The following DMBT1 variants were observed in gnomAD, a reference collection of about 807,000 sequenced individuals.
The protein encoded by DMBT1 is deleted in malignant brain tumors 1.
In DMBT1, 198 loss-of-function variants were observed where a neutral mutation model predicts 252.9. The ratio of observed to expected loss-of-function variants is 0.78; its 90% CI spans 0.70 to 0.88. DMBT1 has a LOEUF of 0.88. Among genes scored for constraint, DMBT1 ranks in the 40% least tolerant of loss-of-function variants. The probability of loss-of-function intolerance (pLI) is 0.00; values close to 1 mark genes in which losing one functional copy is unlikely to be tolerated. For missense variants in DMBT1, 2,432 were observed against 2,404.7 expected, an observed-to-expected ratio of 1.01 and a Z score of -0.24; for synonymous variants, 990 against 942.7, an observed-to-expected ratio of 1.05 and a Z score of -0.92.
intron 44 of DMBT1, among the ~76,000 whole-genome samples, chr10:122,623,279 C>T (rs557903453): frequency 1.4e-4 from 21 of 152,340 alleles, no homozygotes; most frequent in African/African-American, 2.9e-4. Flanking sequence ...TGTATGGCTA[C>T]GCCATCTTTG....
intron 21 of DMBT1, 21 bp downstream of exon 21, chr10:122,593,619 C>T: frequency 1.9e-6 from 3 of 1,584,546 alleles, no homozygotes; most frequent in South Asian, 1.1e-5. Context: ...AGTGTCCTTC[C>T]TCAAAATGTC....
At chr10:122,599,995 C>A in intron 26 of DMBT1, 69 bp from the exon 27 acceptor site, 1 of 1,582,920 alleles carries the variant, frequency 6.3e-7, no homozygotes. Flanking sequence ...CATTTCTTTC[C>A]CTCCTCGTTC....
chr10:122,586,260 G>A lies in DMBT1; in HGVS notation c.1660G>A (p.Gly554Arg). ...PGNARFGQGSGPIVLDDVRCS... is the reference protein window; with the variant it reads ...PGNARFGQGSRPIVLDDVRCS... ...AAATGCCCGGTTTGGTCAGGGCTCAGGACCCATTGTCCTGGATGACGTGCG... is the reference window on the plus strand; with the variant it reads ...AAATGCCCGGTTTGGTCAGGGCTCAAGACCCATTGTCCTGGATGACGTGCG... The change falls in exon 16 of 56, where the codon GGA becomes AGA. Residue 554 changes from glycine (G) to arginine (R), a missense_variant. Physicochemically the swap from Gly to Arg is moderately radical, Grantham distance 125. This residue lies in a region of DMBT1 where 1,264 missense variants were observed against 1,082.2 expected (regional missense o/e 1.17). Transcript: ENST00000338354. 1 of 1,588,868 alleles carries A rather than the reference G, an allele frequency of 6.3e-7. No homozygotes were observed. Among genetic ancestry groups the A allele is most frequent in the Non-Finnish European group, 8.6e-7 (1 of 1,165,936 alleles).
chr10:122,586,532 T>C (rs1175470023), intron 16 of DMBT1, 149 bp downstream of exon 16: 2 of 1,323,538 alleles, frequency 1.5e-6, no homozygotes, highest in African/African-American at 2.9e-5. Context: ...ACCGCATGAG[T>C]CTTCACCACA....
At chr10:122,578,260 G>A (rs1212825954) in intron 8 of DMBT1, among the ~76,000 whole-genome samples, 1 of 152,168 alleles carries the variant, frequency 6.6e-6, no homozygotes, top group African/African-American at 2.4e-5. Flanking sequence ...ATTCTGCAGG[G>A]CCACGTCTGC....
At chr10:122,578,641 G>C in intron 8 of DMBT1, 77 bp from the exon 9 acceptor site, 1 of 1,274,728 alleles carries the variant, frequency 7.8e-7, no homozygotes, top group Non-Finnish European at 1.1e-6. Flanking sequence ...GTGCTTGCCT[G>C]GTCCAGAGAA....
chr10:122,563,988 G>A (rs1189314795), intron 1 of DMBT1, among the ~76,000 whole-genome samples: 6 of 152,274 alleles, frequency 3.9e-5, no homozygotes, highest in Non-Finnish European at 7.4e-5. Context: ...GGGATGGCAT[G>A]TCAGAAAAGA....
At chr10:122,600,831 A>G (rs565406363) in intron 27 of DMBT1, among the ~76,000 whole-genome samples, 160 bp from the exon 28 acceptor site, 6 of 152,260 alleles carry the variant, frequency 3.9e-5, no homozygotes, top group South Asian at 2.1e-4. Flanking sequence ...TCCGTGGATG[A>G]GTTCACAGCA....
Position 122,640,377 on chromosome 10 carries a change from T to C in DMBT1, c.7280T>C (p.Phe2427Ser). Residue 2427 changes from phenylalanine (F) to serine (S), a missense_variant, in exon 55 of 56, where the codon TTT becomes TCT. By Grantham distance (155) the Phe-to-Ser change is radical (BLOSUM62 -2). Transcript: ENST00000338354. ...ILHSDAVLTL[F>S]VDTCVASPYS... ...CATTCTGATGCTGTACTGACCTTGT[T>C]TGTGGACACCTGCGTGGCATCACCA... 1 of 1,614,070 alleles carries C rather than the reference T, an allele frequency of 6.2e-7. No homozygotes were observed. Among genetic ancestry groups the C allele is most frequent in the Non-Finnish European group, 8.5e-7 (1 of 1,179,908 alleles).
At chr10:122,590,356 G>T (rs971982895) in intron 17 of DMBT1, among the ~76,000 whole-genome samples, 3 of 148,990 alleles carry the variant, frequency 2.0e-5, no homozygotes, top group African/African-American at 7.3e-5. Context: ...ATTTTTGCTG[G>T]AGTGGCCTCT....
At chr10:122,585,716 A>G (rs544182351) in intron 15 of DMBT1, among the ~76,000 whole-genome samples, 2 of 148,632 alleles carry the variant, frequency 1.3e-5, no homozygotes, top group African/African-American at 4.9e-5. Context: ...GAAGCCAGAC[A>G]GGACCATAGG....
At chr10:122,617,132 T>C in intron 39 of DMBT1, 96 bp from the exon 40 acceptor site, 1 of 1,362,018 alleles carries the variant, frequency 7.3e-7, no homozygotes, top group Non-Finnish European at 1.0e-6. Flanking sequence ...GAAGTGGAAT[T>C]GTTGCCAGGT....
intron 1 of DMBT1, among the ~76,000 whole-genome samples, chr10:122,564,227 C>G (rs2097571297): frequency 6.6e-6 from 1 of 152,136 alleles, no homozygotes; most frequent in Non-Finnish European, 1.5e-5. Context: ...TACGGCAAGT[C>G]CTGTCACTGG....
chr10:122,570,901 C>G lies in DMBT1; in HGVS notation c.151C>G (p.Pro51Ala). Residue 51 changes from proline to alanine, a missense_variant, in exon 4 of 56, where the codon CCC becomes GCC. Pro to Ala is a conservative substitution (Grantham distance 27). Coordinates refer to ENST00000338354, the MANE Select transcript of DMBT1 (RefSeq NM_001377530.1). ...TCTCCACCCTGCAGGTTCTCCATTTCCCTCGGAGTCGACCCTGGAGTCAAC... is the reference window on the plus strand; with the variant it reads ...TCTCCACCCTGCAGGTTCTCCATTTGCCTCGGAGTCGACCCTGGAGTCAAC... ...DPTVAEGSPFPSESTLESTVA... is the reference protein window; with the variant it reads ...DPTVAEGSPFASESTLESTVA... 1 of 1,613,436 alleles carries G rather than the reference C, an allele frequency of 6.2e-7. No individual in the cohort carries two copies. Among genetic ancestry groups the G allele is most frequent in the Non-Finnish European group, 8.5e-7 (1 of 1,179,398 alleles).
intron 49 of DMBT1, among the ~76,000 whole-genome samples, chr10:122,631,546 G>C (rs2098165184): frequency 6.6e-6 from 1 of 152,214 alleles, no homozygotes; most frequent in Non-Finnish European, 1.5e-5. Context: ...CTTGACTGTT[G>C]AGTCGGGGTG....
At chr10:122,577,493 G>A (rs1238331522) in intron 7 of DMBT1, among the ~76,000 whole-genome samples, 2 of 152,174 alleles carry the variant, frequency 1.3e-5, no homozygotes, top group Non-Finnish European at 2.9e-5. Context: ...GGAGAGTTAG[G>A]GTCTTCATCT....
At chr10:122,643,050 A>T (rs2133707922) in intron 55 of DMBT1, 72 bp from the exon 56 acceptor site, 1 of 1,569,402 alleles carries the variant, frequency 6.4e-7, no homozygotes, top group Non-Finnish European at 8.7e-7. Flanking sequence ...GGAGTTCCTC[A>T]CCTGGTACAA....
chr10:122,629,803 C>G (rs1041115700), intron 46 of DMBT1, 37 bp from the exon 47 acceptor site: 29 of 1,603,752 alleles, frequency 1.8e-5, no homozygotes, highest in Non-Finnish European at 2.3e-5. Flanking sequence ...TACCTGAAGA[C>G]CTGGTACAAT....
chr10:122,634,444 C>CTCTCT (rs2098204627), intron 52 of DMBT1, among the ~76,000 whole-genome samples: 2 of 66,272 alleles, frequency 3.0e-5, no homozygotes, highest in Admixed American at 1.6e-4. Context: ...CTCTCTCTCT[C>CTCTCT]TCTCTCTCTC....
Sources: gnomAD v4.1 joint callset for allele counts (sites outside exome capture counted in the v4.1 genomes callset) on GRCh38, gnomAD v4.1.1 for gene constraint, gnomAD v4.1.1 regional missense constraint, MANE v1.5 for transcripts, NCBI Gene and HGNC (gene_info 2026-07-23, HGNC 2026-07-21) for gene names.